Variants in PLXDC2 observed in about 807,000 individuals in gnomAD.
PLXDC2 encodes plexin domain-containing protein 2.
Under a neutral mutation model 68.9 loss-of-function variants are expected in PLXDC2, and 40 were observed. That is an observed-to-expected ratio of 0.58 (90% confidence interval 0.45 to 0.76). The LOEUF (loss-of-function observed/expected upper bound fraction) is 0.76. Among genes scored for constraint, PLXDC2 ranks in the 30% least tolerant of loss-of-function variants. PLXDC2 has a pLI of 0.00. For synonymous variants in PLXDC2, 243 were observed against 234.2 expected, an observed-to-expected ratio of 1.04 and a Z score of -0.34; for missense variants, 644 against 661.9, an observed-to-expected ratio of 0.97 and a Z score of 0.30.
chr10:20,050,574 A>G (rs1835879902), intron 3 of PLXDC2, among the ~76,000 whole-genome samples: 1 of 152,166 alleles, frequency 6.6e-6, no homozygotes. Context: ...AAAAGAAGAC[A>G]TACGTGCAGC....
At chr10:19,834,423 A>G (rs981466197) in intron 1 of PLXDC2, among the ~76,000 whole-genome samples, 5 of 152,074 alleles carry the variant, frequency 3.3e-5, no homozygotes, top group Non-Finnish European at 7.4e-5. Context: ...AGATATACCA[A>G]AAAGGGGCTG....
At chr10:20,162,086 AG>A (rs1834306501) in intron 6 of PLXDC2, among the ~76,000 whole-genome samples, 1 of 134,832 alleles carries the variant, frequency 7.4e-6, no homozygotes, top group African/African-American at 2.9e-5. Context: ...GAAGGAAGGA[AG>A]GAAGGAAGGA....
At chr10:19,883,505 C>G (rs753684156) in intron 1 of PLXDC2, among the ~76,000 whole-genome samples, 6 of 152,076 alleles carry the variant, frequency 3.9e-5, no homozygotes, top group African/African-American at 4.8e-5. Context: ...ATAGGTTGCT[C>G]TACTTCCTAC....
intron 7 of PLXDC2, 129 bp downstream of exon 7, chr10:20,164,696 A>G: frequency 1.4e-6 from 1 of 725,214 alleles, no homozygotes; most frequent in Non-Finnish European, 2.4e-6. Context: ...AATGCTTGTT[A>G]ATTCTGTTGT....
intron 3 of PLXDC2, among the ~76,000 whole-genome samples, chr10:20,054,130 G>A (rs751588553): frequency 3.3e-5 from 5 of 152,030 alleles, no homozygotes; most frequent in Non-Finnish European, 5.9e-5. Flanking sequence ...GCCAAGAGCA[G>A]AGTGGGCGTC....
At chr10:20,101,214 A>T (rs1314614542) in intron 4 of PLXDC2, among the ~76,000 whole-genome samples, 1 of 152,168 alleles carries the variant, frequency 6.6e-6, no homozygotes, top group Non-Finnish European at 1.5e-5. Context: ...CTATTTATCC[A>T]CATTCTTCCA....
intron 6 of PLXDC2, among the ~76,000 whole-genome samples, chr10:20,157,020 A>C (rs1287930131): frequency 6.6e-6 from 1 of 152,170 alleles, no homozygotes; most frequent in Non-Finnish European, 1.5e-5. Context: ...CCTGGGCTCG[A>C]GTGATTCTCC....
chr10:20,249,787 G>A (rs925717546), intron 13 of PLXDC2, among the ~76,000 whole-genome samples: 18 of 152,126 alleles, frequency 1.2e-4, no homozygotes, highest in African/African-American at 4.1e-4. Flanking sequence ...TGCATCAAAT[G>A]TGAGATGCAT....
chr10:19,862,502 CAG>C (rs1331828160), intron 1 of PLXDC2, among the ~76,000 whole-genome samples: 2 of 152,110 alleles, frequency 1.3e-5, no homozygotes, highest in Non-Finnish European at 2.9e-5. Context: ...AATAAGATAA[CAG>C]AATTGTGGAA....
chr10:20,111,102 C>T (rs1833554925), intron 4 of PLXDC2, among the ~76,000 whole-genome samples: 1 of 152,224 alleles, frequency 6.6e-6, no homozygotes, highest in South Asian at 2.1e-4. Flanking sequence ...TGGTGGGCTG[C>T]ACAGAACACT....
At chr10:19,997,137 C>T (rs1834857934) in intron 1 of PLXDC2, among the ~76,000 whole-genome samples, 3 of 152,180 alleles carry the variant, frequency 2.0e-5, no homozygotes, top group African/African-American at 7.2e-5. Flanking sequence ...TATCTCTGAA[C>T]CAAACATTCT....
At chr10:19,899,480 A>G (rs1045932572) in intron 1 of PLXDC2, among the ~76,000 whole-genome samples, 1 of 152,170 alleles carries the variant, frequency 6.6e-6, no homozygotes, top group Non-Finnish European at 1.5e-5. Context: ...CTACAAAATT[A>G]ATGCAGGATT....
At chr10:19,903,513 A>C (rs192261322) in intron 1 of PLXDC2, among the ~76,000 whole-genome samples, 1 of 151,810 alleles carries the variant, frequency 6.6e-6, no homozygotes, top group Non-Finnish European at 1.5e-5. Flanking sequence ...CTGTGGTATC[A>C]GTTGTAATAT....
chr10:20,259,490 A>G (rs1279430011), intron 13 of PLXDC2, among the ~76,000 whole-genome samples: 1 of 152,236 alleles, frequency 6.6e-6, no homozygotes, highest in Non-Finnish European at 1.5e-5. Flanking sequence ...TCTGTGGACA[A>G]TATTTACAAA....
At chr10:19,931,821 T>C (rs1006274158) in intron 1 of PLXDC2, among the ~76,000 whole-genome samples, 2 of 152,136 alleles carry the variant, frequency 1.3e-5, no homozygotes, top group African/African-American at 4.8e-5. Context: ...TGTCTCCACA[T>C]TCCCTCTTTC....
intron 4 of PLXDC2, among the ~76,000 whole-genome samples, chr10:20,091,997 C>T (rs976435541): frequency 6.6e-6 from 1 of 152,208 alleles, no homozygotes; most frequent in Non-Finnish European, 1.5e-5. Flanking sequence ...TGGATAAATA[C>T]ATGAGTGAAT....
intron 13 of PLXDC2, among the ~76,000 whole-genome samples, chr10:20,262,450 C>T (rs540755010): frequency 3.9e-5 from 6 of 152,318 alleles, no homozygotes; most frequent in South Asian, 2.1e-4. Flanking sequence ...GCTGTAGCCT[C>T]GGCAAAGTGG....
chr10:19,994,749 T>A (rs1185258128), intron 1 of PLXDC2, among the ~76,000 whole-genome samples: 1 of 151,688 alleles, frequency 6.6e-6, no homozygotes, highest in Admixed American at 6.6e-5. Context: ...TATTGATTTT[T>A]TTTTTGTGTG....
At chr10:20,215,458 G>C (rs1835123386) in intron 10 of PLXDC2, among the ~76,000 whole-genome samples, 2 of 152,040 alleles carry the variant, frequency 1.3e-5, no homozygotes, top group African/African-American at 4.8e-5. Context: ...ATGCATTGGG[G>C]AGAAGAGGGA....
Sources: allele counts gnomAD v4.1 joint callset (sites outside exome capture counted in the v4.1 genomes callset), GRCh38; gene constraint gnomAD v4.1.1; transcripts MANE v1.5; gene names NCBI Gene and HGNC (gene_info 2026-07-23, HGNC 2026-07-21).